Variants in GALNS observed in about 807,000 individuals in gnomAD.
GALNS encodes the protein galactosamine (N-acetyl)-6-sulfatase, also known as N-acetylgalactosamine-6-sulfatase.
A neutral mutation model predicts 65.9 loss-of-function variants in GALNS; 65 were observed. That is an observed-to-expected ratio of 0.99 (90% CI 0.81 to 1.21). The LOEUF (loss-of-function observed/expected upper bound fraction) is 1.21. GALNS is among the 50% of genes most tolerant of loss of function. The pLI, the probability that GALNS is intolerant of heterozygous loss-of-function variation, is 0.00. For missense variants in GALNS, 776 were observed against 700.7 expected, an observed-to-expected ratio of 1.11 and a Z score of -1.21; for synonymous variants, 346 against 288.9, an observed-to-expected ratio of 1.20 and a Z score of -2.00.
Position 88,848,772 on chromosome 16 carries a change from C to T in GALNS, c.121-5943G>A, listed in dbSNP as rs556669981. ...CCCTCACCGGGGGCGGGGGTGGCAG[C>T]GTGCTGACTGGGAACGGCTGCTGGA... On this transcript the variant is annotated intron_variant, in intron 1 of 13. Coordinates refer to ENST00000268695, the MANE Select transcript of GALNS (RefSeq NM_000512.5). 1.8e-3 allele frequency among the ~76,000 whole-genome samples: 267 copies of T among 152,214 alleles called. 2 individuals carry two copies. Among genetic ancestry groups the T allele is most frequent in the African/African-American group, 6.0e-3 (249 of 41,486 alleles).
chr16:88,837,528 G>A (rs1912264102), intron 5 of GALNS, 94 bp downstream of exon 5: 1 of 1,329,204 alleles, frequency 7.5e-7, no homozygotes. Flanking sequence ...CCTCATGAGT[G>A]GCGACTTGAG....
intron 7 of GALNS, 113 bp downstream of exon 7, chr16:88,835,612 C>T (rs1912037647): frequency 2.6e-6 from 4 of 1,527,256 alleles, no homozygotes; most frequent in Non-Finnish European, 3.6e-6. Context: ...GGTGGGGTTG[C>T]TCTGGCCTTT....
At chr16:88,835,590 C>G (rs79939637) in intron 7 of GALNS, 135 bp downstream of exon 7, 9 of 1,400,814 alleles carry the variant, frequency 6.4e-6, no homozygotes, top group African/African-American at 1.4e-5. Context: ...GGCCAGTGGA[C>G]GGCTTCAAAG....
chr16:88,830,500 G>A (rs879675000), intron 9 of GALNS, among the ~76,000 whole-genome samples: 5 of 152,186 alleles, frequency 3.3e-5, no homozygotes, highest in Admixed American at 6.5e-5. Context: ...CCCCATCCTC[G>A]TGGGGCCACT....
chr16:88,818,119 G>T lies in GALNS; in HGVS notation c.1370C>A (p.Ala457Asp). 1 of 1,572,128 alleles carries T rather than the reference G, an allele frequency of 6.4e-7. No homozygotes were observed. Among genetic ancestry groups the T allele is most frequent in the Non-Finnish European group, 8.6e-7 (1 of 1,166,706 alleles). ...DPGERFPLSF[A>D]SAEYQEALSR... is the part of the protein sequence containing the mutation. ...GAGGGCCTCCTGGTACTCGGCGCTG[G>T]CAAAGCTGGGGACAGAGAGCTCTGG... is the stretch of plus-strand genomic sequence containing the variant. The change falls in exon 13 of 14, where the codon GCC (alanine) becomes GAC (aspartate). Residue 457 changes from alanine to aspartate, a missense_variant. Transcript: ENST00000268695.
intron 1 of GALNS, among the ~76,000 whole-genome samples, chr16:88,854,691 A>G (rs1967694715): frequency 1.3e-5 from 2 of 152,242 alleles, no homozygotes; most frequent in Non-Finnish European, 2.9e-5. Context: ...ACCTAGGACC[A>G]TCACAGGCTG....
At chr16:88,826,992 A>T in intron 9 of GALNS, 154 bp from the exon 10 acceptor site, 1 of 925,936 alleles carries the variant, frequency 1.1e-6, no homozygotes, top group East Asian at 2.6e-5. Flanking sequence ...GAGCGGGGTC[A>T]CAAGGCCTGT....
chr16:88,815,756 T>C (rs746500168), intron 13 of GALNS: 1 of 985,442 alleles, frequency 1.0e-6, no homozygotes, highest in Middle Eastern at 5.2e-4. Context: ...CGCATGAGTG[T>C]CCCTGCCCCC....
At chr16:88,827,073 C>T (rs1911007353) in intron 9 of GALNS, 1 of 595,024 alleles carries the variant, frequency 1.7e-6, no homozygotes. Flanking sequence ...CCCTGGCACC[C>T]TTCTCTGCCT....
intron 3 of GALNS, 119 bp from the exon 4 acceptor site, chr16:88,841,213 G>A (rs1469385208): frequency 3.8e-6 from 3 of 791,440 alleles, no homozygotes; most frequent in Admixed American, 2.0e-5. Flanking sequence ...GCCCCTCGGG[G>A]TCAAAGGCTG....
chr16:88,829,912 G>T (rs1911314051), intron 9 of GALNS, among the ~76,000 whole-genome samples: 1 of 152,130 alleles, frequency 6.6e-6, no homozygotes, highest in African/African-American at 2.4e-5. Flanking sequence ...CAGGGGGTGG[G>T]GTGGGACACA....
chr16:88,838,037 G>A (rs1912329552), intron 4 of GALNS: 3 of 470,786 alleles, frequency 6.4e-6, no homozygotes, highest in Non-Finnish European at 7.8e-6. Flanking sequence ...GTGAAGGGTG[G>A]TGCATCGTGA....
Position 88,856,269 on chromosome 16 carries a change from G to A in GALNS, c.120+489C>T, listed in dbSNP as rs1399736015. ...CAGGTAAGACTGGAGCCCAGCGGGG[G>A]GACCCGGCGGCCCGAGGTGGCGGGA... On this transcript the variant is annotated intron_variant, in intron 1 of 13. Coordinates refer to ENST00000268695, the MANE Select transcript of GALNS (RefSeq NM_000512.5). 1 of 703,054 alleles carries A rather than the reference G, an allele frequency of 1.4e-6. No homozygotes were observed. 43.6% of individuals were successfully genotyped at this position (703,054 alleles called of 1,614,324 possible).
intron 12 of GALNS, among the ~76,000 whole-genome samples, chr16:88,818,538 C>CA (rs150045348): frequency 0.032 from 4,948 of 152,274 alleles, 262 homozygotes; most frequent in African/African-American, 0.11. Context: ...ATCCCATTGC[C>CA]AAAAAGCAGG....
chr16:88,842,589 C>A, intron 2 of GALNS, 117 bp downstream of exon 2: 2 of 1,287,654 alleles, frequency 1.6e-6, no homozygotes, highest in East Asian at 2.5e-5. Context: ...ACCCTCCCTG[C>A]AGTAGTAGGA....
intron 9 of GALNS, among the ~76,000 whole-genome samples, chr16:88,829,776 A>G (rs1433789890): frequency 6.6e-6 from 1 of 152,160 alleles, no homozygotes. Context: ...GAAGAGGAGG[A>G]TCTGGCAGAA....
chr16:88,854,559 G>T (rs1967683194), intron 1 of GALNS, among the ~76,000 whole-genome samples: 3 of 152,244 alleles, frequency 2.0e-5, no homozygotes, highest in Admixed American at 2.0e-4. Flanking sequence ...GGGCTGGACA[G>T]GTCAGCATGT....
At chr16:88,856,015 T>A (rs1005660647) in intron 1 of GALNS, 1 of 599,630 alleles carries the variant, frequency 1.7e-6, no homozygotes, top group African/African-American at 1.9e-5. Flanking sequence ...GACAGTAGGG[T>A]TTCAACCCAG....
Position 88,856,900 on chromosome 16 carries a change from C to T in GALNS, c.-23G>A. 6.7e-7 allele frequency: 1 copy of T among 1,499,986 alleles called. No homozygotes were observed. Among genetic ancestry groups the T allele is most frequent in the Non-Finnish European group, 8.8e-7 (1 of 1,133,010 alleles). The allele number at this position is 1,499,986 out of a possible 1,614,324, so 92.9% of individuals were successfully genotyped here. A position where few individuals can be genotyped will look rare whatever the true frequency, so the allele number is the denominator to read the frequency against. On this transcript the variant is annotated 5_prime_UTR_variant, in exon 1 of 14. Transcript: ENST00000268695. ...CATGGCAACCACGGGAGCCGCGGAG[C>T]CCCGGCCAGCGAGCCGACCTAGCGA...
Sources: allele counts gnomAD v4.1 joint callset (sites outside exome capture counted in the v4.1 genomes callset), GRCh38; gene constraint gnomAD v4.1.1; transcripts MANE v1.5; gene names NCBI Gene and HGNC (gene_info 2026-07-23, HGNC 2026-07-21).